The following ATP8A2 variants were observed in gnomAD, a reference collection of about 807,000 sequenced individuals.
The protein encoded by ATP8A2 is ATPase phospholipid transporting 8A2.
In ATP8A2, 100 loss-of-function variants were observed where a neutral mutation model predicts 165.6. The observed-to-expected ratio is 0.60, with a 90% CI of 0.51 to 0.71. ATP8A2 has a LOEUF of 0.71. ATP8A2 is among the 30% of genes least tolerant of loss of function. The pLI, the probability that ATP8A2 is intolerant of heterozygous loss-of-function variation, is 0.00. For synonymous variants in ATP8A2, 543 were observed against 548.8 expected (o/e 0.99, Z 0.15); for missense variants, 1,227 against 1,479.5 (o/e 0.83, Z 2.80).
intron 30 of ATP8A2, among the ~76,000 whole-genome samples, chr13:25,854,386 A>G (rs1257740367): frequency 1.3e-5 from 2 of 152,128 alleles, no homozygotes; most frequent in African/African-American, 4.8e-5. Context: ...CCCAGGCTGG[A>G]GTGCAGTGGT....
At chr13:26,000,187 T>A (rs1341078924) in intron 35 of ATP8A2, among the ~76,000 whole-genome samples, 2 of 152,220 alleles carry the variant, frequency 1.3e-5, no homozygotes, top group African/African-American at 2.4e-5. Flanking sequence ...CCAGCTTTTT[T>A]TCTTGAGGGC....
chr13:25,826,447 C>A (rs1239734387), intron 27 of ATP8A2, among the ~76,000 whole-genome samples: 4 of 152,108 alleles, frequency 2.6e-5, no homozygotes, highest in South Asian at 4.1e-4. Flanking sequence ...TGGTGAGTAC[C>A]TGTTTGTACC....
chr13:25,867,982 T>C, intron 33 of ATP8A2: 1 of 322,356 alleles, frequency 3.1e-6, no homozygotes, highest in South Asian at 2.4e-5. Flanking sequence ...ATGCAATTGT[T>C]GAGACACTGT....
intron 25 of ATP8A2, among the ~76,000 whole-genome samples, chr13:25,744,374 G>A (rs1271973907): frequency 6.6e-6 from 1 of 151,764 alleles, no homozygotes; most frequent in African/African-American, 2.4e-5. Flanking sequence ...TGGCTCAGCT[G>A]CCCACAAATG....
At chr13:25,905,961 C>T (rs898190918) in intron 33 of ATP8A2, among the ~76,000 whole-genome samples, 1 of 152,180 alleles carries the variant, frequency 6.6e-6, no homozygotes, top group Admixed American at 6.5e-5. Context: ...GTCTATACTC[C>T]TCAAGCAAAC....
At chr13:25,852,060 A>G (rs1218531560) in intron 30 of ATP8A2, among the ~76,000 whole-genome samples, 3 of 151,968 alleles carry the variant, frequency 2.0e-5, no homozygotes, top group South Asian at 2.1e-4. Flanking sequence ...TCCGACCCCA[A>G]TGTCTCCTCC....
Position 25,562,261 on chromosome 13 carries a change from C to T in ATP8A2, c.1398-1695C>T, listed in dbSNP as rs2039179516. Among the ~76,000 whole-genome samples, 3 of 152,210 alleles carry T rather than the reference C, an allele frequency of 2.0e-5. No homozygotes were observed. In the South Asian group the frequency reaches 6.2e-4, roughly 31 times the overall value. On this transcript the variant is annotated intron_variant, in intron 15 of 36. Coordinates refer to ENST00000381655, the MANE Select transcript of ATP8A2 (RefSeq NM_016529.6). The stretch of plus-strand genomic sequence containing the variant: ...CAGCAATGCACAAGGGTTTCACTTT[C>T]TCCACGTCCTTGCCAACACTTGTGA...
chr13:25,631,818 T>G (rs1369655368), intron 24 of ATP8A2, among the ~76,000 whole-genome samples: 2 of 152,162 alleles, frequency 1.3e-5, no homozygotes, highest in East Asian at 1.9e-4. Flanking sequence ...CTAAAGTGTT[T>G]TGCGTACTCT....
intron 1 of ATP8A2, among the ~76,000 whole-genome samples, chr13:25,416,856 A>G (rs2034145926): frequency 6.6e-6 from 1 of 152,166 alleles, no homozygotes; most frequent in African/African-American, 2.4e-5. Flanking sequence ...ACATAAAGCA[A>G]CTTCTTTTCA....
At chr13:25,890,497 T>C (rs1953324603) in intron 33 of ATP8A2, among the ~76,000 whole-genome samples, 1 of 152,208 alleles carries the variant, frequency 6.6e-6, no homozygotes, top group African/African-American at 2.4e-5. Context: ...AACGTAGATA[T>C]TTCCTTCCCT....
At chr13:25,515,179 G>A (rs1175379343) in intron 2 of ATP8A2, among the ~76,000 whole-genome samples, 1 of 152,190 alleles carries the variant, frequency 6.6e-6, no homozygotes, top group African/African-American at 2.4e-5. Flanking sequence ...CTGAAACAAT[G>A]GTTATTCCTG....
intron 23 of ATP8A2, among the ~76,000 whole-genome samples, chr13:25,587,831 T>C (rs2039966075): frequency 6.6e-6 from 1 of 152,212 alleles, no homozygotes; most frequent in Admixed American, 6.5e-5. Context: ...AAGAGTTTGA[T>C]TATTCTAGTC....
intron 2 of ATP8A2, among the ~76,000 whole-genome samples, chr13:25,484,739 A>T (rs2036301421): frequency 6.6e-6 from 1 of 151,882 alleles, no homozygotes; most frequent in Non-Finnish European, 1.5e-5. Context: ...CTAGCCTCGA[A>T]CTCCTGACCT....
intron 1 of ATP8A2, among the ~76,000 whole-genome samples, chr13:25,439,333 A>G (rs564730300): frequency 8.5e-5 from 13 of 152,188 alleles, no homozygotes; most frequent in Non-Finnish European, 1.8e-4. Flanking sequence ...CAGGGTCAAA[A>G]AAAGGACATC....
intron 1 of ATP8A2, among the ~76,000 whole-genome samples, chr13:25,413,256 TTTTTTC>T (rs1299810448): frequency 6.6e-6 from 1 of 151,456 alleles, no homozygotes; most frequent in Non-Finnish European, 1.5e-5. Flanking sequence ...AGTCAGACTT[TTTTTTC>T]TTTTTCTTTT....
intron 25 of ATP8A2, among the ~76,000 whole-genome samples, chr13:25,716,374 A>C (rs971192079): frequency 6.6e-6 from 1 of 152,198 alleles, no homozygotes; most frequent in Non-Finnish European, 1.5e-5. Flanking sequence ...TTATGGGGTC[A>C]TATCTAAGAA....
At chr13:25,685,752 A>G (rs550038920) in intron 24 of ATP8A2, among the ~76,000 whole-genome samples, 2 of 152,192 alleles carry the variant, frequency 1.3e-5, no homozygotes, top group Non-Finnish European at 2.9e-5. Flanking sequence ...CTCGCTGGCC[A>G]TCAGAAGGCA....
chr13:25,685,342 G>A (rs1344099418), intron 24 of ATP8A2, among the ~76,000 whole-genome samples: 3 of 152,254 alleles, frequency 2.0e-5, no homozygotes, highest in East Asian at 3.9e-4. Flanking sequence ...TCTTCCATTC[G>A]GTAAAGATTT....
intron 24 of ATP8A2, among the ~76,000 whole-genome samples, chr13:25,678,634 G>A (rs1232066210): frequency 6.6e-6 from 1 of 152,122 alleles, no homozygotes; most frequent in East Asian, 1.9e-4. Context: ...TCCAGCACAC[G>A]TGTTATGCAG....
Sources: gnomAD v4.1 joint callset for allele counts (sites outside exome capture counted in the v4.1 genomes callset) on GRCh38, gnomAD v4.1.1 for gene constraint, MANE v1.5 for transcripts, NCBI Gene and HGNC (gene_info 2026-07-23, HGNC 2026-07-21) for gene names.